Variants in SLC9C1 observed in about 807,000 individuals in gnomAD.
SLC9C1 encodes the protein sodium/hydrogen exchanger 10.
SLC9C1 carries 97 observed loss-of-function variants against 140.9 expected under a neutral mutation model. The ratio of observed to expected loss-of-function variants is 0.69; its 90% confidence interval spans 0.58 to 0.82. SLC9C1 has a LOEUF of 0.82. Among genes scored for constraint, SLC9C1 ranks in the 40% least tolerant of loss-of-function variants. The pLI is 0.00. For missense variants in SLC9C1, 1,340 were observed against 1,389.3 expected (o/e 0.96, Z 0.56); for synonymous variants, 440 against 442.6 (o/e 0.99, Z 0.07).
At chr3:112,237,233 C>T (rs1014375069) in intron 12 of SLC9C1, among the ~76,000 whole-genome samples, 5 of 152,096 alleles carry the variant, frequency 3.3e-5, no homozygotes, top group Non-Finnish European at 5.9e-5. Context: ...CCTTCTTTGT[C>T]TCTTTTGATC....
intron 15 of SLC9C1, 62 bp downstream of exon 15, chr3:112,217,380 G>T: frequency 6.7e-7 from 1 of 1,494,640 alleles, no homozygotes; most frequent in East Asian, 2.4e-5. Flanking sequence ...CATTTTAAAA[G>T]AAAAAACAGG....
Position 112,269,903 on chromosome 3 carries a change from GC to G in SLC9C1, c.775+12del, listed in dbSNP as rs762260500. Reference sequence around the variant, plus strand: ...CTATGTGATTTTATTTTAGGCATAGGCCCCTCACTTACAAATATAAAAGATG... The same window carrying G: ...CTATGTGATTTTATTTTAGGCATAGGCCCTCACTTACAAATATAAAAGATG... On this transcript the variant is annotated intron_variant, in intron 7 of 28. Coordinates refer to ENST00000305815, the MANE Select transcript of SLC9C1 (RefSeq NM_183061.3). The G allele has an allele frequency of 6.7e-7, 1 of 1,483,124 alleles. No homozygotes were observed. The highest frequency in any genetic ancestry group is 1.4e-5 in the African/African-American group (1 of 69,288). 91.9% of individuals were successfully genotyped at this position (1,483,124 alleles called of 1,614,324 possible).
rs1383703520 is a variant in SLC9C1 at position 112,240,017 on chromosome 3, AAC to A, written c.1280-13_1280-12del. 5 of 1,597,922 alleles carry A rather than the reference AAC, an allele frequency of 3.1e-6. No homozygotes were observed. Among genetic ancestry groups the A allele is most frequent in the Non-Finnish European group, 4.3e-6 (5 of 1,171,672 alleles). ...TGGCATCACGAAGACCTTTGATACA[AAC>A]ACACATTTGATAAATAGTAGAAACA... On this transcript the variant is annotated splice_polypyrimidine_tract_variant and intron_variant, in intron 11 of 28. Coordinates refer to ENST00000305815, the MANE Select transcript of SLC9C1 (RefSeq NM_183061.3).
chr3:112,193,503 A>C (rs1014373214), intron 20 of SLC9C1, among the ~76,000 whole-genome samples: 1 of 152,022 alleles, frequency 6.6e-6, no homozygotes, highest in Non-Finnish European at 1.5e-5. Flanking sequence ...GAGAAGGGTA[A>C]CTTGGGGCTC....
At chr3:112,145,589 CTTTTTTTT>C (rs61547345) in intron 28 of SLC9C1, among the ~76,000 whole-genome samples, 1 of 28,244 alleles carries the variant, frequency 3.5e-5, no homozygotes, top group South Asian at 2.1e-3. Context: ...CTGCCCTTGG[CTTTTTTTT>C]TTTTTTTTTT....
At chr3:112,204,171 A>C (rs746426898) in intron 17 of SLC9C1, 47 bp downstream of exon 17, 2 of 1,393,572 alleles carry the variant, frequency 1.4e-6, no homozygotes, top group Admixed American at 6.2e-5. Context: ...ATGTTTTATG[A>C]AACAATCAGT....
intron 14 of SLC9C1, among the ~76,000 whole-genome samples, chr3:112,218,825 C>T (rs998184813): frequency 1.3e-5 from 2 of 152,166 alleles, no homozygotes; most frequent in African/African-American, 4.8e-5. Flanking sequence ...GCACAAATTA[C>T]TGAGTAATTC....
chr3:112,229,793 A>G (rs1040687681), intron 13 of SLC9C1, among the ~76,000 whole-genome samples: 3 of 152,100 alleles, frequency 2.0e-5, no homozygotes, highest in Non-Finnish European at 4.4e-5. Context: ...ACTATCCAGA[A>G]AAGTTGTGTG....
intron 20 of SLC9C1, among the ~76,000 whole-genome samples, chr3:112,198,502 A>G (rs896144729): frequency 5.9e-5 from 9 of 151,990 alleles, no homozygotes; most frequent in African/African-American, 2.2e-4. Context: ...TCCTAACTTT[A>G]ATAAGAATGC....
At chr3:112,271,536 AG>A (rs995280689) in intron 6 of SLC9C1, among the ~76,000 whole-genome samples, 1 of 151,970 alleles carries the variant, frequency 6.6e-6, no homozygotes, top group Non-Finnish European at 1.5e-5. Flanking sequence ...GTGTTGAAAG[AG>A]TTTATTTTCA....
At chr3:112,241,264 C>A (rs919149445) in intron 11 of SLC9C1, among the ~76,000 whole-genome samples, 3 of 152,014 alleles carry the variant, frequency 2.0e-5, no homozygotes, top group African/African-American at 7.3e-5. Context: ...ACTTTGCATG[C>A]CTGTACCAAA....
At chr3:112,164,637 G>A (rs1489227991) in intron 26 of SLC9C1, among the ~76,000 whole-genome samples, 1 of 151,272 alleles carries the variant, frequency 6.6e-6, no homozygotes, top group Non-Finnish European at 1.5e-5. Flanking sequence ...TCTCCTGAGA[G>A]GTCCGCTATT....
chr3:112,246,920 T>C lies in SLC9C1; in HGVS notation c.1198-2844A>G, dbSNP rs188294980. Among the ~76,000 whole-genome samples the C allele has an allele frequency of 2.5e-3, 373 of 152,182 alleles. 2 individuals carry two copies. Among genetic ancestry groups the C allele is most frequent in the Non-Finnish European group, 4.4e-3 (302 of 67,990 alleles). ...ACAGAGACTAGAGGCAGCACCAAGGTTGTTAACCAGGAAGCTGCTGAGAAT... is the reference window on the plus strand; with the variant it reads ...ACAGAGACTAGAGGCAGCACCAAGGCTGTTAACCAGGAAGCTGCTGAGAAT... On this transcript the variant is annotated intron_variant, in intron 10 of 28. Transcript: ENST00000305815.
intron 20 of SLC9C1, among the ~76,000 whole-genome samples, chr3:112,187,320 CA>C (rs1481773861): frequency 2.0e-5 from 3 of 152,248 alleles, no homozygotes; most frequent in Non-Finnish European, 4.4e-5. Flanking sequence ...TGAGCTTTTG[CA>C]GGTTTTCATC....
At chr3:112,284,463 T>C (rs920506438) in intron 2 of SLC9C1, among the ~76,000 whole-genome samples, 3 of 152,190 alleles carry the variant, frequency 2.0e-5, no homozygotes, top group Non-Finnish European at 4.4e-5. Flanking sequence ...TCGGCATGAA[T>C]TGATGTTAAG....
intron 26 of SLC9C1, among the ~76,000 whole-genome samples, chr3:112,166,542 A>C (rs1403307460): frequency 6.6e-6 from 1 of 152,048 alleles, no homozygotes; most frequent in African/African-American, 2.4e-5. Context: ...GCAAGTTTTC[A>C]CCTGTGAATT....
At chr3:112,244,151 T>C in intron 10 of SLC9C1, 75 bp from the exon 11 acceptor site, 2 of 880,544 alleles carry the variant, frequency 2.3e-6, no homozygotes, top group Non-Finnish European at 3.4e-6. Flanking sequence ...CCAATATAAA[T>C]TAAGCTATTT....
chr3:112,142,912 G>C (rs2074674913), intron 28 of SLC9C1, among the ~76,000 whole-genome samples: 1 of 151,832 alleles, frequency 6.6e-6, no homozygotes, highest in Non-Finnish European at 1.5e-5. Flanking sequence ...AAATCCCCAG[G>C]GTCTAATGTT....
chr3:112,247,939 C>T (rs1248385729), intron 10 of SLC9C1, among the ~76,000 whole-genome samples: 1 of 144,450 alleles, frequency 6.9e-6, no homozygotes, highest in African/African-American at 2.5e-5. Flanking sequence ...ATTACTTAGT[C>T]ATCTTAAATA....
Sources: gnomAD v4.1 joint callset for allele counts (sites outside exome capture counted in the v4.1 genomes callset) on GRCh38, gnomAD v4.1.1 for gene constraint, MANE v1.5 for transcripts, NCBI Gene and HGNC (gene_info 2026-07-23, HGNC 2026-07-21) for gene names.